The following MARK2 variants were observed in gnomAD, a reference collection of about 807,000 sequenced individuals.
The protein encoded by MARK2 is serine/threonine-protein kinase MARK2.
Under a neutral mutation model 89.8 loss-of-function variants are expected in MARK2, and 16 were observed. That is an observed-to-expected ratio of 0.18 (90% CI 0.12 to 0.27). MARK2 has a LOEUF of 0.27. Ranked by LOEUF, MARK2 falls within the 10% of genes least tolerant of loss-of-function variation. The pLI is 1.00. For synonymous variants in MARK2, 382 were observed against 399.5 expected (o/e 0.96, Z 0.52); for missense variants, 621 against 1,049.9 (o/e 0.59, Z 5.65).
intron 1 of MARK2, among the ~76,000 whole-genome samples, chr11:63,877,267 C>T (rs61886131): frequency 0.072 from 10,944 of 151,574 alleles, 497 homozygotes; most frequent in South Asian, 0.22. Flanking sequence ...CCCACCACCA[C>T]GCCTGGCTGA....
intron 3 of MARK2, 83 bp downstream of exon 3, chr11:63,895,716 C>A (rs1940335782): frequency 8.5e-7 from 1 of 1,182,014 alleles, no homozygotes; most frequent in Non-Finnish European, 1.2e-6. Flanking sequence ...GTCGCCCAGG[C>A]TGGAGTGCAA....
chr11:63,840,269 A>C (rs547360966), intron 1 of MARK2, among the ~76,000 whole-genome samples: 1 of 152,114 alleles, frequency 6.6e-6, no homozygotes, highest in Admixed American at 6.5e-5. Context: ...GTTTCCCCAC[A>C]GCTGTCATGC....
At chr11:63,860,852 C>CA (rs1485059586) in intron 1 of MARK2, among the ~76,000 whole-genome samples, 1 of 150,866 alleles carries the variant, frequency 6.6e-6, no homozygotes, top group Non-Finnish European at 1.5e-5. Flanking sequence ...AGTGAGACTC[C>CA]ATCTCAATGA....
intron 1 of MARK2, among the ~76,000 whole-genome samples, chr11:63,842,840 C>T (rs541939457): frequency 2.6e-5 from 4 of 152,264 alleles, no homozygotes; most frequent in African/African-American, 9.6e-5. Context: ...TGCTCTTCCT[C>T]TCCCTCTTCT....
At chr11:63,870,089 G>A (rs1938361003) in intron 1 of MARK2, among the ~76,000 whole-genome samples, 1 of 152,218 alleles carries the variant, frequency 6.6e-6, no homozygotes, top group Admixed American at 6.5e-5. Flanking sequence ...AGAGGGGCTG[G>A]CTGCAGCCCT....
chr11:63,908,191 T>C (rs1941501065), intron 17 of MARK2, 69 bp from the exon 18 acceptor site: 4 of 1,409,914 alleles, frequency 2.8e-6, no homozygotes, highest in African/African-American at 2.8e-5. Flanking sequence ...CCCACTCTCA[T>C]CTGGGTCTGT....
intron 1 of MARK2, chr11:63,888,562 C>A: frequency 9.3e-7 from 1 of 1,073,730 alleles, no homozygotes; most frequent in Non-Finnish European, 1.1e-6. Context: ...TGCCCTATTC[C>A]CCTCCTGCCC....
rs190042541 is a variant in MARK2 at position 63,905,452 on chromosome 11, T to C, written c.1934+409T>C. Among the ~76,000 whole-genome samples the C allele has an allele frequency of 5.9e-5, 9 of 152,348 alleles. No individual in the cohort carries two copies. The East Asian group carries it at 1.7e-3, about 29-fold the overall frequency. On this transcript the variant is annotated intron_variant, in intron 16 of 18. Coordinates refer to ENST00000402010, the MANE Select transcript of MARK2 (RefSeq NM_001039469.3). ...GCCAGCAAGGAAAATTTTGTCCTGGTCTCTTGCCCCTTTGACTGCCTCTCC... is the reference window on the plus strand; with the variant it reads ...GCCAGCAAGGAAAATTTTGTCCTGGCCTCTTGCCCCTTTGACTGCCTCTCC...
chr11:63,851,491 C>A (rs1332168239), intron 1 of MARK2, among the ~76,000 whole-genome samples: 1 of 148,146 alleles, frequency 6.8e-6, no homozygotes, highest in Admixed American at 7.1e-5. Flanking sequence ...TTTTGAACCC[C>A]TCTGCTGACT....
intron 3 of MARK2, 25 bp downstream of exon 3, chr11:63,895,658 C>CTTTTTTTTTTT: frequency 2.6e-6 from 3 of 1,161,442 alleles, no homozygotes; most frequent in South Asian, 1.4e-5. Flanking sequence ...CCTCCTGTCC[C>CTTTTTTTTTTT]TTTTTTTTTT....
chr11:63,878,006 C>G (rs553186769), intron 1 of MARK2, among the ~76,000 whole-genome samples: 11 of 152,340 alleles, frequency 7.2e-5, no homozygotes, highest in Admixed American at 6.5e-4. Context: ...CACTTAGTAA[C>G]AGGATCCGGT....
In MARK2 at chr11:63,903,215, ATGTC is replaced by A; in HGVS notation, c.1514+62_1514+65del. The A allele has an allele frequency of 7.6e-7, 1 of 1,317,384 alleles. No individual in the cohort carries two copies. Among genetic ancestry groups the A allele is most frequent in the Non-Finnish European group, 1.1e-6 (1 of 917,154 alleles). The allele number at this position is 1,317,384 out of a possible 1,614,324, so 81.6% of individuals were successfully genotyped here. ...CCTAGGAGCCATGTCTCACAGGGTG[ATGTC>A]TGTCAGCAGCACCGTCTCCTGTCCC... On this transcript the variant is annotated intron_variant, in intron 14 of 18. Transcript: ENST00000402010. This position sits in a 1 kb window ranked among gnomAD's most constrained non-coding sequence, Gnocchi z 5.1.
intron 1 of MARK2, among the ~76,000 whole-genome samples, chr11:63,876,293 C>G (rs1480515962): frequency 1.3e-5 from 2 of 152,172 alleles, no homozygotes; most frequent in African/African-American, 4.8e-5. Flanking sequence ...TTTGGAGATA[C>G]AGAGAATTCG....
chr11:63,905,107 G>T, intron 16 of MARK2, 64 bp downstream of exon 16: 1 of 1,444,168 alleles, frequency 6.9e-7, no homozygotes. Flanking sequence ...ACTCGGGGTG[G>T]GTTGGGGGTT....
At chr11:63,899,674 C>G in intron 7 of MARK2, among the ~76,000 whole-genome samples, 200 bp from the exon 8 acceptor site, 1 of 152,208 alleles carries the variant, frequency 6.6e-6, no homozygotes, top group East Asian at 1.9e-4. Flanking sequence ...CCATGGCTGC[C>G]CACGTGAGGA....
At position 63,901,052 on chromosome 11, in the gene MARK2, G is replaced by A; in HGVS notation, c.1084G>A (p.Gly362Ser). The part of the protein sequence containing the change: ...NEVMATYLLL[G>S]YKSSELEGDT... The stretch of plus-strand genomic sequence containing the variant: ...GGTGATGGCCACCTATCTGCTCCTG[G>A]GCTACAAGAGCTCCGAGGTGTGTGC... Residue 362 changes from glycine to serine, a missense_variant, in exon 11 of 19, where the codon GGC becomes AGC. Gly to Ser is a moderately conservative substitution (Grantham distance 56, BLOSUM62 0). Transcript: ENST00000402010. The A allele has an allele frequency of 1.2e-6, 2 of 1,612,146 alleles. No homozygotes were observed. Among genetic ancestry groups the A allele is most frequent in the South Asian group, 1.1e-5 (1 of 91,020 alleles).
chr11:63,882,157 T>C (rs1319668362), intron 1 of MARK2, among the ~76,000 whole-genome samples: 1 of 112,074 alleles, frequency 8.9e-6, no homozygotes, highest in East Asian at 2.5e-4. Context: ...TGGGTAGCTC[T>C]TTGTACCACA....
At chr11:63,873,337 T>C (rs1938565058) in intron 1 of MARK2, among the ~76,000 whole-genome samples, 1 of 152,168 alleles carries the variant, frequency 6.6e-6, no homozygotes, top group Non-Finnish European at 1.5e-5. Context: ...ACTTACTACC[T>C]TCAGTTTTCT....
At chr11:63,872,491 T>C (rs1938506559) in intron 1 of MARK2, among the ~76,000 whole-genome samples, 1 of 152,220 alleles carries the variant, frequency 6.6e-6, no homozygotes, top group South Asian at 2.1e-4. Context: ...CACTTCTGAC[T>C]CCATAGGCTG....
Sources: gnomAD v4.1 joint callset for allele counts (sites outside exome capture counted in the v4.1 genomes callset) on GRCh38, gnomAD v4.1.1 for gene constraint, Gnocchi (gnomAD v3.1) non-coding constraint, MANE v1.5 for transcripts, NCBI Gene and HGNC (gene_info 2026-07-23, HGNC 2026-07-21) for gene names.